The following TBCK variants were observed in gnomAD, a reference collection of about 807,000 sequenced individuals.
The protein encoded by TBCK is TBC1 domain containing kinase.
Under a neutral mutation model 113.4 loss-of-function variants are expected in TBCK, and 99 were observed. That is an observed-to-expected ratio of 0.87 (90% confidence interval 0.74 to 1.03). The LOEUF (loss-of-function observed/expected upper bound fraction) is 1.03. Among genes scored for constraint, TBCK ranks in the 50% least tolerant of loss-of-function variants. The pLI, the probability that TBCK is intolerant of heterozygous loss-of-function variation, is 0.00. For missense variants in TBCK, 1,045 were observed against 1,061.3 expected (o/e 0.98, Z 0.21); for synonymous variants, 369 against 370.8 (o/e 1.00, Z 0.05).
intron 23 of TBCK, among the ~76,000 whole-genome samples, chr4:106,122,719 A>C (rs972918322): frequency 2.0e-5 from 3 of 152,200 alleles, no homozygotes; most frequent in African/African-American, 7.2e-5. Context: ...GGCTGGTTCA[A>C]TATACACAAA....
At chr4:106,272,712 G>T (rs1336567881) in intron 3 of TBCK, among the ~76,000 whole-genome samples, 1 of 151,742 alleles carries the variant, frequency 6.6e-6, no homozygotes, top group Non-Finnish European at 1.5e-5. Flanking sequence ...AGCCAGGATG[G>T]TCTCAATCTC....
chr4:106,060,653 T>C (rs1246989030), intron 25 of TBCK, among the ~76,000 whole-genome samples: 2 of 151,818 alleles, frequency 1.3e-5, no homozygotes, highest in Admixed American at 1.3e-4. Flanking sequence ...TTGCAATCCA[T>C]GGATGAAGGA....
At chr4:106,180,651 T>C (rs1415716737) in intron 22 of TBCK, among the ~76,000 whole-genome samples, 2 of 152,072 alleles carry the variant, frequency 1.3e-5, no homozygotes, top group Admixed American at 1.3e-4. Context: ...TTCTATCTTG[T>C]GATAATTCGC....
chr4:106,197,386 AGTGTGT>A (rs70941239), intron 20 of TBCK, among the ~76,000 whole-genome samples: 59 of 119,026 alleles, frequency 5.0e-4, no homozygotes, highest in Non-Finnish European at 6.6e-4. Context: ...AACATATCTG[AGTGTGT>A]GTGTGTGTGT....
chr4:106,230,225 AT>A (rs1274093170), intron 19 of TBCK, 137 bp downstream of exon 19: 1 of 429,110 alleles, frequency 2.3e-6, no homozygotes, highest in African/African-American at 2.0e-5. Context: ...GAACTTTCTA[AT>A]TTCTCTTTAT....
At chr4:106,082,329 T>G (rs1010329023) in intron 25 of TBCK, among the ~76,000 whole-genome samples, 1 of 152,108 alleles carries the variant, frequency 6.6e-6, no homozygotes, top group South Asian at 2.1e-4. Context: ...AGTGAACTAA[T>G]GCAGGAACAG....
chr4:106,224,520 C>T (rs528717491), intron 19 of TBCK, among the ~76,000 whole-genome samples: 24 of 152,132 alleles, frequency 1.6e-4, no homozygotes, highest in African/African-American at 5.1e-4. Flanking sequence ...TCAATTACTA[C>T]TTTGAAGTGT....
At chr4:106,116,806 C>T (rs896103894) in intron 23 of TBCK, among the ~76,000 whole-genome samples, 3 of 151,912 alleles carry the variant, frequency 2.0e-5, no homozygotes, top group African/African-American at 4.8e-5. Flanking sequence ...TCATTGTCTC[C>T]CATCACCTCT....
chr4:106,248,812 C>T (rs1761113475), intron 8 of TBCK, 109 bp downstream of exon 8: 2 of 836,082 alleles, frequency 2.4e-6, no homozygotes, highest in Non-Finnish European at 3.7e-6. Flanking sequence ...CTTGGACTTC[C>T]TAGTTTCAAT....
At chr4:106,203,826 T>C (rs1218883825) in intron 20 of TBCK, among the ~76,000 whole-genome samples, 1 of 152,120 alleles carries the variant, frequency 6.6e-6, no homozygotes, top group African/African-American at 2.4e-5. Context: ...AGAAAGACTA[T>C]AAAACATGTT....
intron 22 of TBCK, among the ~76,000 whole-genome samples, chr4:106,191,867 T>C (rs1044408467): frequency 1.3e-5 from 2 of 152,258 alleles, no homozygotes; most frequent in South Asian, 4.2e-4. Flanking sequence ...TTAATAAGGT[T>C]TGACAGATGT....
intron 25 of TBCK, among the ~76,000 whole-genome samples, chr4:106,086,728 T>C (rs1739556795): frequency 6.6e-6 from 1 of 152,186 alleles, no homozygotes; most frequent in Non-Finnish European, 1.5e-5. Flanking sequence ...AAAAAACTTA[T>C]CCATCACGAT....
intron 10 of TBCK, among the ~76,000 whole-genome samples, chr4:106,246,570 ATG>A (rs1760837936): frequency 6.6e-6 from 1 of 152,136 alleles, no homozygotes; most frequent in African/African-American, 2.4e-5. Context: ...GTTAGCTCAA[ATG>A]TGTGTGTTTA....
intron 12 of TBCK, among the ~76,000 whole-genome samples, chr4:106,241,192 T>C (rs1327651169): frequency 6.6e-6 from 1 of 151,768 alleles, no homozygotes; most frequent in Non-Finnish European, 1.5e-5. Flanking sequence ...TAAATTACCT[T>C]AGAAATAAAT....
intron 5 of TBCK, among the ~76,000 whole-genome samples, chr4:106,254,718 G>A (rs888528642): frequency 1.3e-5 from 2 of 151,848 alleles, no homozygotes; most frequent in Non-Finnish European, 2.9e-5. Context: ...ATAAGCAATT[G>A]AGCCCTGTTC....
Position 106,164,906 on chromosome 4 carries a change from T to C in TBCK, c.2235+6189A>G, listed in dbSNP as rs147658350. Among the ~76,000 whole-genome samples the C allele has an allele frequency of 4.0e-5, 6 of 151,870 alleles. No homozygotes were observed. The East Asian group carries it at 9.7e-4, about 24-fold the overall frequency. On this transcript the variant is annotated intron_variant, in intron 23 of 25. Coordinates refer to ENST00000394708, the MANE Select transcript of TBCK (RefSeq NM_001163435.3). The stretch of plus-strand genomic sequence containing the variant: ...GTTTAATCTATACTGAAAGCATACC[T>C]TATAAACTGAAGGTAATGCAATAAA...
At chr4:106,272,488 A>ATTTTT (rs746246379) in intron 3 of TBCK, among the ~76,000 whole-genome samples, 1 of 124,562 alleles carries the variant, frequency 8.0e-6, no homozygotes, top group African/African-American at 3.2e-5. Context: ...TGTTTATTTA[A>ATTTTT]TTTTTTTTTT....
At chr4:106,236,577 C>CTT in intron 13 of TBCK, 58 bp from the exon 14 acceptor site, 7 of 1,286,926 alleles carry the variant, frequency 5.4e-6, no homozygotes, top group Admixed American at 3.2e-5. Flanking sequence ...ACAAAATTTT[C>CTT]TTTTTTTTTC....
At chr4:106,133,909 C>A (rs1746251529) in intron 23 of TBCK, among the ~76,000 whole-genome samples, 1 of 152,068 alleles carries the variant, frequency 6.6e-6, no homozygotes, top group Non-Finnish European at 1.5e-5. Context: ...ACTCAGGAGG[C>A]TGAGGCAGGA....
Sources: gnomAD v4.1 joint callset for allele counts (sites outside exome capture counted in the v4.1 genomes callset) on GRCh38, gnomAD v4.1.1 for gene constraint, MANE v1.5 for transcripts, NCBI Gene and HGNC (gene_info 2026-07-23, HGNC 2026-07-21) for gene names.